The following THAP8 variants were observed in gnomAD, a reference collection of about 807,000 sequenced individuals.
THAP8 encodes THAP domain containing 8.
Under a neutral mutation model 25.0 loss-of-function variants are expected in THAP8, and 24 were observed. The observed-to-expected ratio is 0.96, with a 90% CI of 0.69 to 1.35. The LOEUF is 1.35. Among genes scored for constraint, THAP8 ranks in the 40% most tolerant of loss-of-function variants. THAP8 has a pLI of 0.00. For missense variants in THAP8, 399 were observed against 368.8 expected, an observed-to-expected ratio of 1.08 and a Z score of -0.67; for synonymous variants, 169 against 157.6, an observed-to-expected ratio of 1.07 and a Z score of -0.54.
chr19:36,041,700 T>G (rs953478908), intron 1 of THAP8, among the ~76,000 whole-genome samples: 3 of 152,166 alleles, frequency 2.0e-5, no homozygotes, highest in Non-Finnish European at 2.9e-5. Flanking sequence ...AAAAGATACT[T>G]GACATCTCCA....
At chr19:36,044,877 G>A (rs1478011993) in intron 1 of THAP8, among the ~76,000 whole-genome samples, 1 of 152,038 alleles carries the variant, frequency 6.6e-6, no homozygotes, top group African/African-American at 2.4e-5. Flanking sequence ...GTAAACATAG[G>A]CACATCCACA....
Position 36,039,651 on chromosome 19 carries a change from G to GGTGT in THAP8, c.340_343dup (p.Pro115HisfsTer45). Reference sequence around the variant, plus strand: ...TGGGATGGCAGGGCTCTGGGGCAGGGGTGTATTCTTCTGTAGGGGAGGCGG... The same window carrying GGTGT: ...TGGGATGGCAGGGCTCTGGGGCAGGGGTGTGTGTATTCTTCTGTAGGGGAGGCGG... On this transcript the variant is annotated frameshift_variant, in exon 3 of 4. Transcript: ENST00000292894. LOFTEE classifies it high-confidence loss of function. 6.6e-7 allele frequency: 1 copy of GGTGT among 1,520,788 alleles called. No homozygotes were observed. Among genetic ancestry groups the GGTGT allele is most frequent in the Non-Finnish European group, 8.8e-7 (1 of 1,133,220 alleles). The allele number at this position is 1,520,788 out of a possible 1,614,324, so 94.2% of individuals were successfully genotyped here.
chr19:36,053,998 G>T, intron 1 of THAP8, 137 bp downstream of exon 1: 1 of 887,924 alleles, frequency 1.1e-6, no homozygotes, highest in Non-Finnish European at 1.8e-6. Flanking sequence ...TGCCAGGAAG[G>T]CCATCTCCTC....
In THAP8 at chr19:36,038,047, C is replaced by T. The variant is rs558054977; in HGVS notation, c.672+1276G>A. Among the ~76,000 whole-genome samples, 23 of 152,142 alleles carry T rather than the reference C, an allele frequency of 1.5e-4. 1 individual carries two copies. In the South Asian group the frequency reaches 4.8e-3, roughly 32 times the overall value. ...GCAACCTCCACCTCCAGGGTTCAAG[C>T]AATTCTCACACCTTAGCCTCCCAAG... On this transcript the variant is annotated intron_variant, in intron 3 of 3. Transcript: ENST00000292894.
At chr19:36,053,743 T>C (rs568429471) in intron 1 of THAP8, among the ~76,000 whole-genome samples, 2 of 152,096 alleles carry the variant, frequency 1.3e-5, no homozygotes, top group African/African-American at 2.4e-5. Flanking sequence ...TGAAGCACGC[T>C]ACTAAGATAA....
In THAP8 at chr19:36,040,049, C is replaced by CA. The variant is rs1451389142; in HGVS notation, c.170dup (p.Leu57PhefsTer23). On this transcript the variant is annotated frameshift_variant, in exon 2 of 4. Coordinates refer to ENST00000292894, the MANE Select transcript of THAP8 (RefSeq NM_152658.3). LOFTEE classifies it high-confidence loss of function. ...AGGAGGGTGTGAAGTGCTCGCTGCA[C>CA]AAGTGCTGGTGGCAGCTGGGCACCC... 1.2e-6 allele frequency: 2 copies of CA among 1,613,746 alleles called. No individual in the cohort carries two copies. The highest frequency in any genetic ancestry group is 8.5e-7 in the Non-Finnish European group (1 of 1,179,880).
At chr19:36,040,246 G>T in intron 1 of THAP8, 110 bp from the exon 2 acceptor site, 4 of 1,150,092 alleles carry the variant, frequency 3.5e-6, no homozygotes, top group Non-Finnish European at 3.6e-6. Flanking sequence ...CCTCCCTAGG[G>T]CTAGGAAGTA....
intron 1 of THAP8, among the ~76,000 whole-genome samples, chr19:36,049,241 G>GA (rs1479896351): frequency 3.3e-5 from 5 of 150,564 alleles, no homozygotes; most frequent in Non-Finnish European, 5.9e-5. Flanking sequence ...AAAGAAAAAT[G>GA]AAAAAAACAA....
At chr19:36,046,376 T>C (rs1157539695) in intron 1 of THAP8, among the ~76,000 whole-genome samples, 1 of 152,152 alleles carries the variant, frequency 6.6e-6, no homozygotes, top group African/African-American at 2.4e-5. Context: ...TTTATAGTAG[T>C]GTGAGAACAG....
chr19:36,040,009 A>C lies in THAP8; in HGVS notation c.211T>G (p.Trp71Gly). The part of the protein sequence containing the change: ...HFTPSCFQWR[W>G]GVRYLRPDAV... The stretch of plus-strand genomic sequence containing the variant: ...TCAGGCCGCAGGTAGCGCACACCCC[A>C]GCGCCACTGGAAGCAGGAGGGTGTG... The change falls in exon 2 of 4, where the codon TGG becomes GGG. Residue 71 changes from tryptophan to glycine, a missense_variant. By Grantham distance (184) the Trp-to-Gly change is radical. Transcript: ENST00000292894. The C allele has an allele frequency of 6.2e-7, 1 of 1,613,804 alleles. No individual in the cohort carries two copies.
At chr19:36,053,079 T>C (rs116803775) in intron 1 of THAP8, among the ~76,000 whole-genome samples, 3,069 of 152,198 alleles carry the variant, frequency 0.02, 98 homozygotes, top group African/African-American at 0.071. Flanking sequence ...CAAAATTTTT[T>C]TTTTTGAGAC....
Position 36,054,284 on chromosome 19 carries a change from C to CT in THAP8, c.-68dup. 1 of 1,539,650 alleles carries CT rather than the reference C, an allele frequency of 6.5e-7. No individual in the cohort carries two copies. The highest frequency in any genetic ancestry group is 1.2e-5 in the South Asian group (1 of 85,208). On this transcript the variant is annotated 5_prime_UTR_variant, in exon 1 of 4. Coordinates refer to ENST00000292894, the MANE Select transcript of THAP8 (RefSeq NM_152658.3). ...CACTTTGGTTCTCGCGGAGCGCCGC[C>CT]TAACCCCGCCCCACCCGCGCTCGCC...
At chr19:36,047,970 T>A (rs1192027761) in intron 1 of THAP8, among the ~76,000 whole-genome samples, 2 of 152,206 alleles carry the variant, frequency 1.3e-5, no homozygotes, top group Non-Finnish European at 2.9e-5. Flanking sequence ...GTCTGCTGTC[T>A]CTCTCCACAT....
chr19:36,049,790 C>G lies in THAP8; in HGVS notation c.83+4345G>C, dbSNP rs544337727. 5.3e-5 allele frequency among the ~76,000 whole-genome samples: 8 copies of G among 152,306 alleles called. No individual in the cohort carries two copies. In the South Asian group the frequency reaches 1.2e-3, roughly 24 times the overall value. ...GAAACGGGCCAGGCACGGTTGCTCA[C>G]GCCTGTAATCCCAGTACTTTGGGAG... is the stretch of plus-strand genomic sequence containing the variant. On this transcript the variant is annotated intron_variant, in intron 1 of 3. Coordinates refer to ENST00000292894, the MANE Select transcript of THAP8 (RefSeq NM_152658.3).
At chr19:36,046,877 G>C (rs1363046687) in intron 1 of THAP8, among the ~76,000 whole-genome samples, 1 of 152,142 alleles carries the variant, frequency 6.6e-6, no homozygotes, top group African/African-American at 2.4e-5. Context: ...CTACCTTCTG[G>C]CCAAGGAATG....
chr19:36,035,707 CAGAG>C, intron 3 of THAP8, 115 bp from the exon 4 acceptor site: 2 of 1,215,990 alleles, frequency 1.6e-6, no homozygotes, highest in Non-Finnish European at 2.3e-6. Context: ...TGTCAGGAAA[CAGAG>C]AGAGATGTGG....
intron 1 of THAP8, among the ~76,000 whole-genome samples, chr19:36,045,413 G>A (rs1969846119): frequency 1.3e-5 from 2 of 152,062 alleles, no homozygotes; most frequent in African/African-American, 4.8e-5. Flanking sequence ...GGGACTACAG[G>A]CATGTGCCAC....
intron 1 of THAP8, chr19:36,045,680 A>G (rs941567594): frequency 4.4e-6 from 2 of 453,680 alleles, no homozygotes; most frequent in Non-Finnish European, 8.8e-6. Context: ...TATCCTTTTA[A>G]TAAGAGGGAG....
chr19:36,051,481 G>A (rs1186946506), intron 1 of THAP8, among the ~76,000 whole-genome samples: 2 of 151,932 alleles, frequency 1.3e-5, no homozygotes, highest in Non-Finnish European at 2.9e-5. Context: ...GAACAGACTG[G>A]GGGTGACGGT....
Sources: gnomAD v4.1 joint callset for allele counts (sites outside exome capture counted in the v4.1 genomes callset) on GRCh38, gnomAD v4.1.1 for gene constraint, MANE v1.5 for transcripts, NCBI Gene and HGNC (gene_info 2026-07-23, HGNC 2026-07-21) for gene names.